PCDH15: variants seen among roughly 807,000 people sequenced by gnomAD.
PCDH15 encodes the protein protocadherin-15.
A neutral mutation model predicts 178.5 loss-of-function variants in PCDH15; 129 were observed. That is an observed-to-expected ratio of 0.72 (90% CI 0.63 to 0.84). PCDH15 has a LOEUF of 0.84. Among genes scored for constraint, PCDH15 ranks in the 40% least tolerant of loss-of-function variants. The pLI is 0.00. For missense variants in PCDH15, 2,230 were observed against 2,099.9 expected (o/e 1.06, Z -1.21); for synonymous variants, 800 against 732.0 (o/e 1.09, Z -1.50).
intron 2 of PCDH15, among the ~76,000 whole-genome samples, chr10:55,048,441 G>A (rs982420297): frequency 3.3e-5 from 5 of 151,824 alleles, no homozygotes; most frequent in African/African-American, 1.2e-4. Flanking sequence ...ATGGTTGATA[G>A]ATAAAATAAT....
At chr10:54,304,828 G>A (rs924613219) in intron 8 of PCDH15, among the ~76,000 whole-genome samples, 2 of 151,850 alleles carry the variant, frequency 1.3e-5, no homozygotes, top group African/African-American at 4.8e-5. Context: ...TTGGGAAGTA[G>A]ATAAATTCAT....
intron 3 of PCDH15, among the ~76,000 whole-genome samples, chr10:54,521,066 G>T: frequency 8.7e-6 from 1 of 114,364 alleles, no homozygotes; most frequent in Non-Finnish European, 1.7e-5. Flanking sequence ...CTGTTGTGGG[G>T]TGGGGGGAGG....
chr10:53,993,596 A>C (rs577218365), intron 21 of PCDH15, among the ~76,000 whole-genome samples: 6 of 152,338 alleles, frequency 3.9e-5, no homozygotes, highest in African/African-American at 1.4e-4. Flanking sequence ...AGCCTATCTG[A>C]ATAATAATTA....
At chr10:55,497,651 A>G (rs1840565085) in intron 2 of PCDH15, among the ~76,000 whole-genome samples, 1 of 151,898 alleles carries the variant, frequency 6.6e-6, no homozygotes, top group Middle Eastern at 3.2e-3. Context: ...AGAGCAAACC[A>G]ATAGAAGATA....
chr10:55,127,454 A>C (rs1045754593), intron 2 of PCDH15, among the ~76,000 whole-genome samples: 1 of 152,078 alleles, frequency 6.6e-6, no homozygotes, highest in East Asian at 1.9e-4. Context: ...TCATATCCAC[A>C]TATCTATAGA....
chr10:54,574,436 T>C (rs184965350), intron 2 of PCDH15, among the ~76,000 whole-genome samples: 1 of 152,010 alleles, frequency 6.6e-6, no homozygotes, highest in African/African-American at 2.4e-5. Context: ...TAGCCTTGTA[T>C]TATAGTTTGA....
chr10:53,833,894 C>A (rs2077154290), intron 29 of PCDH15, among the ~76,000 whole-genome samples: 1 of 151,926 alleles, frequency 6.6e-6, no homozygotes, highest in Admixed American at 6.6e-5. Context: ...CACATGCCTT[C>A]TCATTTCAGG....
chr10:54,031,024 C>G (rs1254076398), intron 18 of PCDH15, among the ~76,000 whole-genome samples: 1 of 152,088 alleles, frequency 6.6e-6, no homozygotes, highest in Admixed American at 6.6e-5. Context: ...GATAGCCAAG[C>G]TGCAGCTTTT....
At chr10:55,197,189 A>T (rs1231122075) in intron 1 of PCDH15, among the ~76,000 whole-genome samples, 1 of 152,078 alleles carries the variant, frequency 6.6e-6, no homozygotes, top group Non-Finnish European at 1.5e-5. Context: ...TTTCAAAAAG[A>T]TATTAAGATA....
intron 2 of PCDH15, among the ~76,000 whole-genome samples, chr10:55,146,217 T>C (rs1169072089): frequency 6.6e-6 from 1 of 151,988 alleles, no homozygotes; most frequent in East Asian, 1.9e-4. Context: ...ACTTGCAACT[T>C]GTTTCGCCAA....
At chr10:54,537,011 T>TG (rs1589965085) in intron 2 of PCDH15, among the ~76,000 whole-genome samples, 1 of 143,474 alleles carries the variant, frequency 7.0e-6, no homozygotes, top group African/African-American at 2.6e-5. Context: ...TTTTTTTTTT[T>TG]TTTTTTTGAG....
chr10:54,211,320 C>T (rs1310035517), intron 10 of PCDH15, among the ~76,000 whole-genome samples: 2 of 152,114 alleles, frequency 1.3e-5, no homozygotes, highest in Admixed American at 1.3e-4. Context: ...TAAACCAAAT[C>T]TATGATTCTT....
chr10:55,418,380 A>T (rs1838535965), intron 2 of PCDH15, among the ~76,000 whole-genome samples: 1 of 151,750 alleles, frequency 6.6e-6, no homozygotes, highest in African/African-American at 2.4e-5. Context: ...TCTCTATGGC[A>T]TATAATTGGA....
intron 2 of PCDH15, among the ~76,000 whole-genome samples, chr10:54,654,609 C>A (rs2135260145): frequency 6.6e-6 from 1 of 152,222 alleles, no homozygotes; most frequent in Admixed American, 6.5e-5. Context: ...GCAACAGATA[C>A]AAAGATTTGA....
At chr10:55,603,132 G>A (rs1173450071) in intron 2 of PCDH15, among the ~76,000 whole-genome samples, 1 of 152,082 alleles carries the variant, frequency 6.6e-6, no homozygotes, top group African/African-American at 2.4e-5. Flanking sequence ...GGAAGAAAGG[G>A]TATCAGCAAT....
In PCDH15 at chr10:55,137,487, C is replaced by T. The variant is rs188007728; in HGVS notation, c.-80+29089G>A. 1.8e-3 allele frequency among the ~76,000 whole-genome samples: 267 copies of T among 151,602 alleles called. 1 individual carries two copies. The highest frequency in any genetic ancestry group is 6.3e-3 in the African/African-American group (259 of 41,312). ...GCCCAGTGAGAAAGTTCCCCAATTA[C>T]GCATTTCTCAGAACAACCTTAAGTG... On this transcript the variant is annotated intron_variant, in intron 2 of 5. Transcript: ENST00000458638.
chr10:54,834,897 G>A (rs955969478), intron 3 of PCDH15, among the ~76,000 whole-genome samples: 1 of 152,114 alleles, frequency 6.6e-6, no homozygotes, highest in African/African-American at 2.4e-5. Flanking sequence ...GACCATCTTA[G>A]GCTCATGCTG....
upstream of PCDH15, among the ~76,000 whole-genome samples, chr10:55,319,981 G>A (rs1843845984): frequency 1.3e-5 from 2 of 152,078 alleles, no homozygotes; most frequent in African/African-American, 4.8e-5. Context: ...TCCAACCTGA[G>A]TATCCCTGTC....
At chr10:55,228,458 T>G (rs549863285) in intron 1 of PCDH15, among the ~76,000 whole-genome samples, 2 of 152,046 alleles carry the variant, frequency 1.3e-5, no homozygotes, top group African/African-American at 4.8e-5. Flanking sequence ...TTTAAAAAAA[T>G]GTACATGTAT....
Sources: gnomAD v4.1 joint callset for allele counts (sites outside exome capture counted in the v4.1 genomes callset) on GRCh38, gnomAD v4.1.1 for gene constraint, MANE v1.5 for transcripts, NCBI Gene and HGNC (gene_info 2026-07-23, HGNC 2026-07-21) for gene names.